Variants in CREB3L1 observed in about 807,000 individuals in gnomAD.
CREB3L1 encodes cyclic AMP-responsive element-binding protein 3-like protein 1.
A neutral mutation model predicts 54.5 loss-of-function variants in CREB3L1; 33 were observed. The observed-to-expected ratio is 0.61, with a 90% CI of 0.46 to 0.81. The LOEUF is 0.81. Among genes scored for constraint, CREB3L1 ranks in the 30% least tolerant of loss-of-function variants. The pLI is 0.00. For synonymous variants in CREB3L1, 284 were observed against 286.4 expected (o/e 0.99, Z 0.08); for missense variants, 656 against 673.3 (o/e 0.97, Z 0.29).
At chr11:46,290,761 G>A (rs1165648045) in intron 1 of CREB3L1, among the ~76,000 whole-genome samples, 1 of 151,470 alleles carries the variant, frequency 6.6e-6, no homozygotes, top group Non-Finnish European at 1.5e-5. Context: ...GGCGGAGGCA[G>A]AGCTTGAGCA....
intron 4 of CREB3L1, 42 bp from the exon 5 acceptor site, chr11:46,310,990 G>C: frequency 6.6e-7 from 1 of 1,525,398 alleles, no homozygotes; most frequent in Non-Finnish European, 8.8e-7. Flanking sequence ...AAGTGGAGCT[G>C]ATGTGCAACG....
intron 1 of CREB3L1, among the ~76,000 whole-genome samples, chr11:46,299,036 T>C (rs992844410): frequency 9.9e-5 from 15 of 152,258 alleles, no homozygotes; most frequent in African/African-American, 3.6e-4. Context: ...AAATATATTT[T>C]ACATCATTAC....
intron 1 of CREB3L1, among the ~76,000 whole-genome samples, chr11:46,283,815 C>T (rs905583262): frequency 6.6e-6 from 1 of 151,970 alleles, no homozygotes; most frequent in African/African-American, 2.4e-5. Flanking sequence ...CCCAGGAGTT[C>T]AAGGCTGCAG....
intron 1 of CREB3L1, among the ~76,000 whole-genome samples, chr11:46,296,481 C>T (rs77047825): frequency 6.6e-6 from 1 of 151,970 alleles, no homozygotes; most frequent in African/African-American, 2.4e-5. Flanking sequence ...AGGGGGGGAA[C>T]GAGGGGCAGG....
At chr11:46,310,980 A>C (rs1851956369) in intron 4 of CREB3L1, 52 bp from the exon 5 acceptor site, 2 of 1,509,740 alleles carry the variant, frequency 1.3e-6, no homozygotes, top group East Asian at 2.5e-5. Context: ...CATGATGTCC[A>C]AGTGGAGCTG....
chr11:46,306,996 G>T (rs1939406659), intron 2 of CREB3L1, among the ~76,000 whole-genome samples: 1 of 151,674 alleles, frequency 6.6e-6, no homozygotes, highest in Non-Finnish European at 1.5e-5. Context: ...GCCTGCCTCA[G>T]CCTCCTGAGC....
At chr11:46,304,934 T>G (rs1939357325) in intron 2 of CREB3L1, among the ~76,000 whole-genome samples, 1 of 152,142 alleles carries the variant, frequency 6.6e-6, no homozygotes, top group Admixed American at 6.5e-5. Flanking sequence ...GGCCAGGCCC[T>G]GTAATTTGGG....
At chr11:46,306,401 G>A (rs757445556) in intron 2 of CREB3L1, among the ~76,000 whole-genome samples, 4 of 152,052 alleles carry the variant, frequency 2.6e-5, no homozygotes, top group African/African-American at 4.8e-5. Flanking sequence ...CTACTTAGGA[G>A]GCTGTGGCGG....
intron 8 of CREB3L1, chr11:46,315,166 C>T (rs1480484732): frequency 3.1e-6 from 1 of 319,526 alleles, no homozygotes; most frequent in Non-Finnish European, 6.4e-6. Flanking sequence ...TTCCTTCTCC[C>T]CCAGCTTCTC....
rs183411688 is a variant in CREB3L1 at position 46,320,089 on chromosome 11, C to T, written c.1259-175C>T. 2.7e-3 allele frequency among the ~76,000 whole-genome samples: 412 copies of T among 152,266 alleles called. 2 individuals are homozygous for T. The highest frequency in any genetic ancestry group is 9.4e-3 in the African/African-American group (390 of 41,538). On this transcript the variant is annotated intron_variant, in intron 10 of 11. Coordinates refer to ENST00000621158, the MANE Select transcript of CREB3L1 (RefSeq NM_052854.4). ...TATCCCTATTTTACAGAAGAGCACA[C>T]TGAGGCTCAGAAAGTTTAAAGCAAA...
rs1447267980 is a variant in CREB3L1, at chr11:46,312,471, CA to C, written c.902del (p.Lys301ArgfsTer18). The C allele has an allele frequency of 6.2e-7, 1 of 1,613,236 alleles. No homozygotes were observed. Among genetic ancestry groups the C allele is most frequent in the East Asian group, 2.2e-5 (1 of 44,876 alleles). On this transcript the variant is annotated frameshift_variant and splice_region_variant, in exon 6 of 12. Coordinates refer to ENST00000621158, the MANE Select transcript of CREB3L1 (RefSeq NM_052854.4). LOFTEE classifies it high-confidence loss of function. ...AGAGAGTCCGGAGGAAAATCAAGAA[CA>C]AGGTAAAGCCTGCCACCCTGGGGCT... ...LKRVRRKIKN[K>X]ISAQESRRKK...
chr11:46,282,668 CT>C (rs955056364), intron 1 of CREB3L1, among the ~76,000 whole-genome samples: 82 of 152,320 alleles, frequency 5.4e-4, no homozygotes, highest in African/African-American at 1.9e-3. Context: ...TGGGACCCCC[CT>C]GTTCTTTTCT....
chr11:46,306,907 A>C (rs1590347584), intron 2 of CREB3L1, among the ~76,000 whole-genome samples: 5 of 137,916 alleles, frequency 3.6e-5, no homozygotes, highest in Admixed American at 7.6e-5. Flanking sequence ...ACAGAGTCTC[A>C]CTCTTGCCCA....
At chr11:46,298,559 C>G (rs574989482) in intron 1 of CREB3L1, among the ~76,000 whole-genome samples, 1 of 152,142 alleles carries the variant, frequency 6.6e-6, no homozygotes, top group Admixed American at 6.5e-5. Context: ...ATTAGCTGGG[C>G]GTGGTGGTGC....
At chr11:46,287,748 C>T (rs1485869689) in intron 1 of CREB3L1, among the ~76,000 whole-genome samples, 6 of 152,022 alleles carry the variant, frequency 3.9e-5, no homozygotes, top group Admixed American at 1.3e-4. Flanking sequence ...GAGGCCGAGG[C>T]GGGTGGATCA....
intron 3 of CREB3L1, among the ~76,000 whole-genome samples, chr11:46,309,283 A>G (rs1939449761): frequency 6.6e-6 from 1 of 152,192 alleles, no homozygotes; most frequent in African/African-American, 2.4e-5. Context: ...GCTGCAGCCC[A>G]GGGCCTGCAA....
chr11:46,302,349 C>G (rs866698791), intron 2 of CREB3L1, among the ~76,000 whole-genome samples: 2 of 152,014 alleles, frequency 1.3e-5, no homozygotes, highest in East Asian at 1.9e-4. Flanking sequence ...CTCCTCTCCC[C>G]CTAACTCCAT....
At chr11:46,301,662 CAA>C (rs11293461) in intron 2 of CREB3L1, among the ~76,000 whole-genome samples, 3 of 139,136 alleles carry the variant, frequency 2.2e-5, no homozygotes, top group African/African-American at 2.6e-5. Flanking sequence ...GACTCCGTCC[CAA>C]AAAAAAAAAA....
intron 2 of CREB3L1, among the ~76,000 whole-genome samples, 165 bp downstream of exon 2, chr11:46,300,328 C>T (rs1939277826): frequency 6.6e-6 from 1 of 152,246 alleles, no homozygotes; most frequent in Admixed American, 6.5e-5. Context: ...TTCTGTTCTC[C>T]CTCAGCTCAA....
Sources: gnomAD v4.1 joint callset for allele counts (sites outside exome capture counted in the v4.1 genomes callset) on GRCh38, gnomAD v4.1.1 for gene constraint, MANE v1.5 for transcripts, NCBI Gene and HGNC (gene_info 2026-07-23, HGNC 2026-07-21) for gene names.